Variants in TBC1D4 observed in about 807,000 individuals in gnomAD.
The protein encoded by TBC1D4 is TBC (Tre-2, BUB2, CDC16) domain-containing protein.
Under a neutral mutation model 142.5 loss-of-function variants are expected in TBC1D4, and 121 were observed. The ratio of observed to expected loss-of-function variants is 0.85; its 90% confidence interval spans 0.73 to 0.99. The LOEUF is 0.99. TBC1D4 is among the 50% of genes least tolerant of loss of function. The pLI, the probability that TBC1D4 is intolerant of heterozygous loss-of-function variation, is 0.00. For missense variants in TBC1D4, 1,475 were observed against 1,606.6 expected (o/e 0.92, Z 1.40); for synonymous variants, 630 against 628.2 (o/e 1.00, Z -0.04).
Position 75,295,011 on chromosome 13 carries a change from A to C in TBC1D4, c.3159T>G (p.Ile1053Met), listed in dbSNP as rs749960752. 6.2e-6 allele frequency: 10 copies of C among 1,613,690 alleles called. No individual in the cohort carries two copies. The highest frequency in any genetic ancestry group is 8.5e-6 in the Non-Finnish European group (10 of 1,179,748). ...GGAGCCTGGACAGCTGGTACATTTG[A>C]ATCTAAAGTTAATTTGGAGAAGAAA... ...QYRPDMMSLQ[I>M]QMYQLSRLLH... Residue 1053 changes from isoleucine to methionine, a missense_variant and splice_region_variant, in exon 18 of 21, where the codon ATT becomes ATG. Ile to Met is a conservative substitution (Grantham distance 10). Transcript: ENST00000377636.
intron 8 of TBC1D4, among the ~76,000 whole-genome samples, chr13:75,333,315 G>A (rs1232978535): frequency 1.3e-5 from 2 of 152,126 alleles, no homozygotes; most frequent in Non-Finnish European, 2.9e-5. Context: ...AGCCCTTATT[G>A]ATGACTGTAC....
intron 1 of TBC1D4, among the ~76,000 whole-genome samples, chr13:75,372,135 T>C (rs1883255382): frequency 6.6e-6 from 1 of 152,176 alleles, no homozygotes; most frequent in Non-Finnish European, 1.5e-5. Flanking sequence ...ACGTTCTTTA[T>C]TTTCGAGATC....
intron 6 of TBC1D4, 126 bp downstream of exon 6, chr13:75,341,370 T>TA: frequency 8.2e-7 from 1 of 1,222,868 alleles, no homozygotes; most frequent in South Asian, 1.2e-5. Context: ...CATTCTATTC[T>TA]ATCCAGTAGT....
chr13:75,294,772 T>C, intron 18 of TBC1D4, 82 bp downstream of exon 18: 2 of 1,461,512 alleles, frequency 1.4e-6, no homozygotes, highest in Non-Finnish European at 1.9e-6. Context: ...GATAGAACAA[T>C]AGGGGCATCA....
At chr13:75,444,203 A>C (rs1887174411) in intron 1 of TBC1D4, among the ~76,000 whole-genome samples, 1 of 152,260 alleles carries the variant, frequency 6.6e-6, no homozygotes, top group Non-Finnish European at 1.5e-5. Context: ...AGCTCACTAC[A>C]ACTTTGAACT....
intron 13 of TBC1D4, among the ~76,000 whole-genome samples, chr13:75,311,751 A>G (rs1593906650): frequency 1.3e-5 from 2 of 152,272 alleles, no homozygotes; most frequent in African/African-American, 4.8e-5. Context: ...CATTGTGGTC[A>G]GAGAATATTT....
At chr13:75,366,828 T>A (rs1882939819) in intron 1 of TBC1D4, 1 of 559,144 alleles carries the variant, frequency 1.8e-6, no homozygotes, top group Admixed American at 6.4e-5. Context: ...TAAAACAAAT[T>A]CTACAACTAC....
At position 75,481,786 on chromosome 13, in the gene TBC1D4, G is replaced by C. The variant is rs1593936055; in HGVS notation, c.-19C>G. On this transcript the variant is annotated 5_prime_UTR_variant, in exon 1 of 21. Coordinates refer to ENST00000377636, the MANE Select transcript of TBC1D4 (RefSeq NM_014832.5). ...GCTCCATAACTCTCGCCTCACCAGG[G>C]CACCGCGGAGGCCGGCCGGGCGCAC... 6.6e-7 allele frequency: 1 copy of C among 1,508,714 alleles called. No individual in the cohort carries two copies. The highest frequency in any genetic ancestry group is 1.3e-5 in the South Asian group (1 of 76,544). The allele number at this position is 1,508,714 out of a possible 1,614,324, so 93.5% of individuals were successfully genotyped here.
At chr13:75,318,604 C>T (rs1320874552) in intron 12 of TBC1D4, among the ~76,000 whole-genome samples, 1 of 152,160 alleles carries the variant, frequency 6.6e-6, no homozygotes, top group Non-Finnish European at 1.5e-5. Flanking sequence ...ATAATTGCAT[C>T]AGGTGCACTA....
chr13:75,291,039 G>A (rs537098455), intron 19 of TBC1D4, among the ~76,000 whole-genome samples: 10 of 152,232 alleles, frequency 6.6e-5, no homozygotes, highest in South Asian at 4.2e-4. Flanking sequence ...GCATCTGAAC[G>A]GCAGCAATAT....
At chr13:75,475,852 T>G (rs1342723071) in intron 1 of TBC1D4, among the ~76,000 whole-genome samples, 1 of 152,202 alleles carries the variant, frequency 6.6e-6, no homozygotes, top group Admixed American at 6.5e-5. Flanking sequence ...GGAACAGAAG[T>G]GTTTCAGATT....
intron 1 of TBC1D4, among the ~76,000 whole-genome samples, chr13:75,374,840 G>GT (rs1325057914): frequency 6.6e-6 from 1 of 151,984 alleles, no homozygotes; most frequent in African/African-American, 2.4e-5. Context: ...TATAAATGAC[G>GT]TATCAGCTAT....
intron 17 of TBC1D4, among the ~76,000 whole-genome samples, chr13:75,299,072 C>T (rs1876244523): frequency 6.6e-6 from 1 of 152,172 alleles, no homozygotes; most frequent in Non-Finnish European, 1.5e-5. Context: ...GTCCTCATCA[C>T]CTACCTTTCT....
rs775845752 is a variant in TBC1D4, at chr13:75,362,083, G to A, written c.1023C>T (p.Ser341=). Residue 341 remains serine (S), a synonymous_variant, in exon 2 of 21, where the codon AGC becomes AGT. Coordinates refer to ENST00000377636, the MANE Select transcript of TBC1D4 (RefSeq NM_014832.5). This position sits in a 1 kb window ranked among gnomAD's most constrained non-coding sequence, Gnocchi z 4.2. ...QKSQPRRRHA[S]APSHVQPSDS... is the part of the protein sequence containing the mutation. The stretch of plus-strand genomic sequence containing the variant: ...CCGAGGGCTGGACGTGACTGGGTGC[G>A]CTCGCGTGTCTCCGTCGCGGCTGGG... The A allele has an allele frequency of 3.7e-6, 6 of 1,613,940 alleles. No individual in the cohort carries two copies. Among genetic ancestry groups the A allele is most frequent in the East Asian group, 2.2e-5 (1 of 44,860 alleles).
At chr13:75,412,148 C>T (rs533679370) in intron 1 of TBC1D4, among the ~76,000 whole-genome samples, 22 of 152,152 alleles carry the variant, frequency 1.4e-4, no homozygotes, top group Non-Finnish European at 2.8e-4. Flanking sequence ...TGGGCTATAC[C>T]CTCCCAATTC....
At position 75,427,985 on chromosome 13, in the gene TBC1D4, T is replaced by C. The variant is rs543184853; in HGVS notation, c.498+53285A>G. Among the ~76,000 whole-genome samples, 9 of 152,300 alleles carry C rather than the reference T, an allele frequency of 5.9e-5. No individual in the cohort carries two copies. The East Asian group carries it at 7.7e-4, about 13-fold the overall frequency. ...CAGGAGGAAGGGCCAAAGAAAGGAA[T>C]AGACTATAATGGGAAGAAAAATTAA... On this transcript the variant is annotated intron_variant, in intron 1 of 20. Transcript: ENST00000377636.
At chr13:75,436,218 C>T (rs1886793925) in intron 1 of TBC1D4, among the ~76,000 whole-genome samples, 2 of 152,132 alleles carry the variant, frequency 1.3e-5, no homozygotes. Context: ...GATTATGAGG[C>T]CTCCCCAGCC....
intron 1 of TBC1D4, among the ~76,000 whole-genome samples, chr13:75,403,079 GT>G (rs1396622464): frequency 1.3e-5 from 2 of 152,162 alleles, no homozygotes; most frequent in Non-Finnish European, 2.9e-5. Context: ...TCAAGAGTCT[GT>G]TTCAGGCATG....
At chr13:75,412,224 A>C (rs755797729) in intron 1 of TBC1D4, among the ~76,000 whole-genome samples, 17 of 152,298 alleles carry the variant, frequency 1.1e-4, no homozygotes, top group Non-Finnish European at 2.1e-4. Flanking sequence ...AAGTTAGGTA[A>C]GTAACCCCTT....
Sources: gnomAD v4.1 joint callset for allele counts (sites outside exome capture counted in the v4.1 genomes callset) on GRCh38, gnomAD v4.1.1 for gene constraint, Gnocchi (gnomAD v3.1) non-coding constraint, MANE v1.5 for transcripts, NCBI Gene and HGNC (gene_info 2026-07-23, HGNC 2026-07-21) for gene names.